Variants in ADAM2 observed in about 807,000 individuals in gnomAD.
ADAM2 encodes the protein ADAM metallopeptidase domain 2, also known as disintegrin and metalloproteinase domain-containing protein 2.
Under a neutral mutation model 99.3 loss-of-function variants are expected in ADAM2, and 101 were observed. The observed-to-expected ratio is 1.02, with a 90% CI of 0.87 to 1.20. The LOEUF (loss-of-function observed/expected upper bound fraction) is 1.20, where lower values mean the gene tolerates loss of function less well. Ranked by LOEUF, ADAM2 falls within the 50% of genes most tolerant of loss-of-function variation. The pLI is 0.00. For missense variants in ADAM2, 948 were observed against 878.7 expected, an observed-to-expected ratio of 1.08 and a Z score of -1.00; for synonymous variants, 323 against 287.6, an observed-to-expected ratio of 1.12 and a Z score of -1.25.
intron 7 of ADAM2, among the ~76,000 whole-genome samples, chr8:39,807,165 C>T (rs1449711646): frequency 6.6e-6 from 1 of 152,212 alleles, no homozygotes; most frequent in Non-Finnish European, 1.5e-5. Context: ...ATTCTTGAGG[C>T]TTACAATCTA....
At chr8:39,807,133 G>T (rs1349790978) in intron 7 of ADAM2, among the ~76,000 whole-genome samples, 1 of 152,190 alleles carries the variant, frequency 6.6e-6, no homozygotes, top group East Asian at 1.9e-4. Context: ...CCTGGAAAAG[G>T]GGCATCAAGC....
At chr8:39,785,023 T>C (rs981182858) in intron 10 of ADAM2, among the ~76,000 whole-genome samples, 5 of 152,162 alleles carry the variant, frequency 3.3e-5, no homozygotes, top group African/African-American at 7.2e-5. Context: ...TCTGTTGATA[T>C]TTCTTGTTGT....
At chr8:39,798,971 A>G (rs1373799530) in intron 7 of ADAM2, among the ~76,000 whole-genome samples, 1 of 146,886 alleles carries the variant, frequency 6.8e-6, no homozygotes, top group Non-Finnish European at 1.5e-5. Flanking sequence ...TATTTTGTTA[A>G]TTTTCTTCAA....
chr8:39,826,324 G>C (rs1052681892), intron 3 of ADAM2, among the ~76,000 whole-genome samples: 2 of 152,180 alleles, frequency 1.3e-5, no homozygotes, highest in Admixed American at 1.3e-4. Context: ...AAATTGTCAA[G>C]AAGACACAAT....
At chr8:39,818,739 T>C (rs1023932340) in intron 6 of ADAM2, among the ~76,000 whole-genome samples, 18 of 151,926 alleles carry the variant, frequency 1.2e-4, no homozygotes, top group African/African-American at 4.3e-4. Context: ...AAAACCAATA[T>C]GGAAAATTCA....
At chr8:39,759,985 G>A (rs1458066197) in intron 15 of ADAM2, among the ~76,000 whole-genome samples, 1 of 152,126 alleles carries the variant, frequency 6.6e-6, no homozygotes, top group East Asian at 1.9e-4. Flanking sequence ...TCCTGCCTCA[G>A]CCTCTCGAGT....
chr8:39,777,437 C>T (rs930713416), intron 10 of ADAM2, among the ~76,000 whole-genome samples: 1 of 151,850 alleles, frequency 6.6e-6, no homozygotes, highest in Non-Finnish European at 1.5e-5. Flanking sequence ...ACAACAATTA[C>T]AGTCATATTT....
At chr8:39,804,931 G>A (rs1169565891) in intron 7 of ADAM2, among the ~76,000 whole-genome samples, 3 of 152,084 alleles carry the variant, frequency 2.0e-5, no homozygotes, top group Non-Finnish European at 2.9e-5. Context: ...GATCATGATT[G>A]TCTTAGTCCA....
At chr8:39,753,811 A>AC in intron 16 of ADAM2, among the ~76,000 whole-genome samples, 1 of 116,850 alleles carries the variant, frequency 8.6e-6, no homozygotes, top group Admixed American at 9.2e-5. Flanking sequence ...TAAAACAACA[A>AC]AACACACACA....
intron 14 of ADAM2, among the ~76,000 whole-genome samples, chr8:39,764,983 A>G (rs551833669): frequency 6.6e-6 from 1 of 152,074 alleles, no homozygotes; most frequent in East Asian, 1.9e-4. Context: ...AGATCACACC[A>G]CTGCACTCCA....
chr8:39,783,610 G>A (rs528900123), intron 10 of ADAM2, among the ~76,000 whole-genome samples: 13 of 152,134 alleles, frequency 8.5e-5, no homozygotes, highest in East Asian at 3.9e-4. Context: ...ATCTAAAGAC[G>A]TATAATTGTC....
intron 3 of ADAM2, among the ~76,000 whole-genome samples, chr8:39,827,085 A>G (rs895896776): frequency 6.6e-6 from 1 of 152,160 alleles, no homozygotes; most frequent in Non-Finnish European, 1.5e-5. Context: ...ACCTAAATAG[A>G]CTTTCTCAAA....
At chr8:39,815,178 G>A (rs111764792) in intron 6 of ADAM2, among the ~76,000 whole-genome samples, 2,885 of 152,144 alleles carry the variant, frequency 0.019, 98 homozygotes, top group African/African-American at 0.066. Context: ...CTAATATAAA[G>A]CTGGTATGTG....
At chr8:39,822,510 A>G (rs1483732316) in intron 4 of ADAM2, among the ~76,000 whole-genome samples, 2 of 151,806 alleles carry the variant, frequency 1.3e-5, no homozygotes, top group African/African-American at 4.9e-5. Context: ...TCAGTTTTGC[A>G]TTGTTTGCCT....
At chr8:39,757,818 A>T (rs1802206063) in intron 15 of ADAM2, among the ~76,000 whole-genome samples, 1 of 152,206 alleles carries the variant, frequency 6.6e-6, no homozygotes, top group Non-Finnish European at 1.5e-5. Context: ...GTTAAGAAAT[A>T]TGCTAAACAC....
chr8:39,798,506 T>C (rs756044572), intron 7 of ADAM2, among the ~76,000 whole-genome samples: 3 of 152,200 alleles, frequency 2.0e-5, no homozygotes, highest in Non-Finnish European at 4.4e-5. Context: ...TTTTCTTTTT[T>C]TGTTGTGTCT....
intron 6 of ADAM2, among the ~76,000 whole-genome samples, chr8:39,819,085 A>C (rs549875662): frequency 6.6e-6 from 1 of 152,072 alleles, no homozygotes; most frequent in Admixed American, 6.6e-5. Flanking sequence ...ATAATCTTGG[A>C]AAATAAGAAT....
intron 15 of ADAM2, among the ~76,000 whole-genome samples, chr8:39,760,191 T>C (rs1443044414): frequency 2.6e-5 from 4 of 152,186 alleles, no homozygotes; most frequent in Admixed American, 1.3e-4. Flanking sequence ...TACAAAATAA[T>C]AGTAACAGAT....
chr8:39,837,619 T>G (rs1179700297), intron 1 of ADAM2, among the ~76,000 whole-genome samples: 1 of 152,074 alleles, frequency 6.6e-6, no homozygotes, highest in Non-Finnish European at 1.5e-5. Context: ...TCTCCTGACC[T>G]CGTGATACGC....
Sources: allele counts gnomAD v4.1 joint callset (sites outside exome capture counted in the v4.1 genomes callset), GRCh38; gene constraint gnomAD v4.1.1; transcripts MANE v1.5; gene names NCBI Gene and HGNC (gene_info 2026-07-23, HGNC 2026-07-21).